Variants in PRKACB observed in about 807,000 individuals in gnomAD.
PRKACB encodes the protein protein kinase cAMP-activated catalytic subunit beta.
A neutral mutation model predicts 51.4 loss-of-function variants in PRKACB; 16 were observed. That is an observed-to-expected ratio of 0.31 (90% CI 0.21 to 0.47). PRKACB has a LOEUF of 0.47. Among genes scored for constraint, PRKACB ranks in the 20% least tolerant of loss-of-function variants. PRKACB has a pLI of 1.00. For synonymous variants in PRKACB, 147 were observed against 154.4 expected, an observed-to-expected ratio of 0.95 and a Z score of 0.35; for missense variants, 309 against 464.5, an observed-to-expected ratio of 0.67 and a Z score of 3.08.
At chr1:84,180,183 G>GATTGATATATATAT (rs1553173787) in intron 2 of PRKACB, among the ~76,000 whole-genome samples, 1 of 32,062 alleles carries the variant, frequency 3.1e-5, no homozygotes, top group Non-Finnish European at 7.8e-5. Flanking sequence ...AAGAAACTGT[G>GATTGATATATATAT]ATATATATAT....
At chr1:84,177,782 G>A (rs1246546649) in intron 1 of PRKACB, among the ~76,000 whole-genome samples, 1 of 151,818 alleles carries the variant, frequency 6.6e-6, no homozygotes, top group Non-Finnish European at 1.5e-5. Flanking sequence ...GTAAGAATTT[G>A]CCACCCTTAA....
chr1:84,165,599 T>A (rs1217464925), intron 1 of PRKACB, among the ~76,000 whole-genome samples: 2 of 151,796 alleles, frequency 1.3e-5, no homozygotes, highest in African/African-American at 4.8e-5. Flanking sequence ...GGGAAATAAT[T>A]TTTTAGAATA....
intron 1 of PRKACB, among the ~76,000 whole-genome samples, chr1:84,087,663 G>A (rs1040905965): frequency 2.0e-5 from 3 of 152,080 alleles, no homozygotes; most frequent in African/African-American, 7.2e-5. Context: ...CTGCAGGTGT[G>A]TACCATCGAG....
intron 1 of PRKACB, among the ~76,000 whole-genome samples, chr1:84,108,398 TGG>T (rs1649958458): frequency 6.6e-6 from 1 of 151,932 alleles, no homozygotes; most frequent in African/African-American, 2.4e-5. Flanking sequence ...TGGGTATACC[TGG>T]GTGATGAAAA....
intron 1 of PRKACB, among the ~76,000 whole-genome samples, chr1:84,168,025 C>A (rs1207207983): frequency 1.3e-5 from 2 of 151,616 alleles, no homozygotes; most frequent in Non-Finnish European, 3.0e-5. Context: ...TAAAGAAATA[C>A]TAAAGGAACT....
chr1:84,170,504 AAAACACATT>A (rs1461031509), intron 1 of PRKACB, among the ~76,000 whole-genome samples: 4 of 151,768 alleles, frequency 2.6e-5, no homozygotes, highest in Non-Finnish European at 5.9e-5. Context: ...AACAACCAAT[AAAACACATT>A]ATCAGAAGAG....
At chr1:84,203,042 A>G (rs978736545) in intron 8 of PRKACB, among the ~76,000 whole-genome samples, 2 of 152,052 alleles carry the variant, frequency 1.3e-5, no homozygotes, top group African/African-American at 4.8e-5. Flanking sequence ...TAGTATTTTT[A>G]TCACAAAGAA....
chr1:84,106,484 C>T (rs1649760454), intron 1 of PRKACB, among the ~76,000 whole-genome samples: 1 of 152,102 alleles, frequency 6.6e-6, no homozygotes, highest in African/African-American at 2.4e-5. Flanking sequence ...AGAGCCGAAT[C>T]AGGAATATAA....
At chr1:84,178,725 T>C (rs1397678746) in intron 1 of PRKACB, 1 of 152,806 alleles carries the variant, frequency 6.5e-6, no homozygotes, top group Non-Finnish European at 1.5e-5. Flanking sequence ...CATAAATCCT[T>C]ACACCTGAAA....
intron 5 of PRKACB, among the ~76,000 whole-genome samples, chr1:84,190,486 A>G (rs1257136922): frequency 1.3e-5 from 2 of 152,000 alleles, no homozygotes; most frequent in Non-Finnish European, 2.9e-5. Flanking sequence ...ATGTTTACCT[A>G]AATAAGAACT....
At chr1:84,229,586 A>G (rs1675246284) in intron 9 of PRKACB, among the ~76,000 whole-genome samples, 2 of 151,238 alleles carry the variant, frequency 1.3e-5, no homozygotes, top group Non-Finnish European at 1.5e-5. Context: ...CATCCTCTCC[A>G]GCACCTGTTA....
intron 1 of PRKACB, among the ~76,000 whole-genome samples, chr1:84,084,258 CATA>C (rs1245641822): frequency 6.6e-6 from 1 of 152,010 alleles, no homozygotes; most frequent in Non-Finnish European, 1.5e-5. Flanking sequence ...AACCATGTAA[CATA>C]TTCAGGATAA....
intron 1 of PRKACB, among the ~76,000 whole-genome samples, chr1:84,149,969 A>T (rs1036959559): frequency 5.3e-5 from 8 of 152,154 alleles, no homozygotes; most frequent in African/African-American, 1.9e-4. Context: ...TGATATTTTT[A>T]AAAACAAATT....
chr1:84,225,949 C>T (rs1339847213), intron 9 of PRKACB, among the ~76,000 whole-genome samples: 1 of 152,226 alleles, frequency 6.6e-6, no homozygotes, highest in African/African-American at 2.4e-5. Context: ...ATGTGATTAT[C>T]TACTCACTGT....
At chr1:84,162,701 G>A (rs1415684202) in intron 1 of PRKACB, among the ~76,000 whole-genome samples, 4 of 151,368 alleles carry the variant, frequency 2.6e-5, no homozygotes, top group Admixed American at 1.3e-4. Context: ...TTTCCTTTAG[G>A]TATTTAACAC....
At chr1:84,131,448 T>A (rs12094426) in intron 1 of PRKACB, among the ~76,000 whole-genome samples, 72,484 of 151,866 alleles carry the variant, frequency 0.48, 17,964 homozygotes, top group Non-Finnish European at 0.56. Context: ...CTCTGCAAAT[T>A]TGCAGATGTT....
At chr1:84,083,280 A>G (rs112237015) in intron 1 of PRKACB, among the ~76,000 whole-genome samples, 1 of 152,220 alleles carries the variant, frequency 6.6e-6, no homozygotes, top group Non-Finnish European at 1.5e-5. Flanking sequence ...GCAATCAGTT[A>G]TGCAATTTTG....
Position 84,105,416 on chromosome 1 carries a change from C to G in PRKACB, c.46+27045C>G, listed in dbSNP as rs1049319312. ...AAGCATATCAAACTATTTTTCTCAA[C>G]TCAATAATTTACAGAAAAATATTAA... is the stretch of plus-strand genomic sequence containing the variant. On this transcript the variant is annotated intron_variant, in intron 1 of 8. Coordinates refer to the PRKACB transcript ENST00000370688. Among the ~76,000 whole-genome samples the G allele has an allele frequency of 2.0e-5, 3 of 152,166 alleles. No individual in the cohort carries two copies. In the Middle Eastern group the frequency reaches 0.01, roughly 518 times the overall value.
chr1:84,146,995 A>G lies in PRKACB; in HGVS notation c.187+2447A>G, dbSNP rs75521526. 3.7e-3 allele frequency among the ~76,000 whole-genome samples: 566 copies of G among 152,222 alleles called. 3 individuals are homozygous for G. Among genetic ancestry groups the G allele is most frequent in the African/African-American group, 0.012 (509 of 41,586 alleles). ...TGCTTTTTGTTCCAACTCAGAATGA[A>G]TGAGAGCATTGACATGCGTTAAGTT... On this transcript the variant is annotated intron_variant, in intron 1 of 9. Transcript: ENST00000370685.
Sources: allele counts gnomAD v4.1 joint callset (sites outside exome capture counted in the v4.1 genomes callset), GRCh38; gene constraint gnomAD v4.1.1; transcripts MANE v1.5; gene names NCBI Gene and HGNC (gene_info 2026-07-23, HGNC 2026-07-21).